Variants in ZNF541 observed in about 807,000 individuals in gnomAD.
The protein encoded by ZNF541 is zinc finger protein 541.
ZNF541 carries 23 observed loss-of-function variants against 123.5 expected under a neutral mutation model. The observed-to-expected ratio is 0.19, with a 90% CI of 0.13 to 0.26. The LOEUF is 0.26. Among genes scored for constraint, ZNF541 ranks in the 10% least tolerant of loss-of-function variants. ZNF541 has a pLI of 1.00. For synonymous variants in ZNF541, 751 were observed against 754.5 expected (o/e 1.00, Z 0.08); for missense variants, 1,612 against 1,789.9 (o/e 0.90, Z 1.79).
intron 7 of ZNF541, 131 bp from the exon 8 acceptor site, chr19:47,540,009 C>T: frequency 6.9e-7 from 1 of 1,442,808 alleles, no homozygotes; most frequent in Non-Finnish European, 9.2e-7. Context: ...TGGAGAGCTG[C>T]TGCAGCCCAT....
intron 2 of ZNF541, among the ~76,000 whole-genome samples, chr19:47,569,320 C>T (rs1971387864): frequency 6.6e-6 from 1 of 152,026 alleles, no homozygotes; most frequent in Non-Finnish European, 1.5e-5. Context: ...CTCTTGTAAT[C>T]ACTTGTATGT....
intron 14 of ZNF541, 91 bp from the exon 15 acceptor site, chr19:47,522,085 C>G (rs1007611614): frequency 1.3e-6 from 2 of 1,490,766 alleles, no homozygotes; most frequent in Non-Finnish European, 1.8e-6. Flanking sequence ...CTTTGGAAAG[C>G]CCTCCGGAAG....
chr19:47,555,412 GA>G, intron 3 of ZNF541, 137 bp downstream of exon 3: 7 of 726,364 alleles, frequency 9.6e-6, no homozygotes, highest in South Asian at 4.5e-5. Context: ...TCCCAAGTAG[GA>G]AAAAAGGTGA....
intron 7 of ZNF541, 42 bp from the exon 8 acceptor site, chr19:47,539,920 T>C (rs1304521624): frequency 1.3e-5 from 20 of 1,510,662 alleles, no homozygotes; most frequent in Non-Finnish European, 1.7e-5. Flanking sequence ...AGAGATAAGG[T>C]AGGTGGGGAA....
intron 2 of ZNF541, among the ~76,000 whole-genome samples, chr19:47,570,474 G>T (rs1971435345): frequency 6.7e-6 from 1 of 150,144 alleles, no homozygotes; most frequent in Non-Finnish European, 1.5e-5. Context: ...GTACTCAGGA[G>T]GCTGAGGCAT....
chr19:47,565,660 A>T (rs2123399898), intron 2 of ZNF541, among the ~76,000 whole-genome samples: 1 of 152,298 alleles, frequency 6.6e-6, no homozygotes, highest in East Asian at 1.9e-4. Flanking sequence ...TGTTTCAAGG[A>T]GCAGGTAAGT....
Position 47,538,216 on chromosome 19 carries a change from G to A in ZNF541, c.3020C>T (p.Ser1007Phe), listed in dbSNP as rs1194868396. The change falls in exon 9 of 17, where the codon TCT becomes TTT. Residue 1007 changes from serine to phenylalanine, a missense_variant. Physicochemically the swap from Ser to Phe is radical, Grantham distance 155. Coordinates refer to ENST00000391901, the MANE Select transcript of ZNF541 (RefSeq NM_001277075.3). ...PPMLSPIREG[S>F]GVYFNTLCST... ...ACAGAGGGTGTTGAAGTACACCCCA[G>A]AGCCCTCCCGGATGGGGCTGAGCAT... The A allele has an allele frequency of 6.4e-7, 1 of 1,551,620 alleles. No homozygotes were observed. The highest frequency in any genetic ancestry group is 1.2e-5 in the South Asian group (1 of 84,058).
In ZNF541 at chr19:47,552,273, C is replaced by T. The variant is rs138037727; in HGVS notation, c.308-2788G>A. Among the ~76,000 whole-genome samples, 7 of 152,232 alleles carry T rather than the reference C, an allele frequency of 4.6e-5. No individual in the cohort carries two copies. In the East Asian group the frequency reaches 7.7e-4, roughly 17 times the overall value. On this transcript the variant is annotated intron_variant, in intron 3 of 16. Coordinates refer to ENST00000391901, the MANE Select transcript of ZNF541 (RefSeq NM_001277075.3). ...AGGAGGTTGCTCTAAAGGATCCAAT[C>T]GTGCAAATTCTCTGTGGCTCATGAG...
At position 47,544,856 on chromosome 19, in the gene ZNF541, A is replaced by G; in HGVS notation, c.1673T>C (p.Phe558Ser). Residue 558 changes from phenylalanine to serine, a missense_variant, in exon 5 of 17, where the codon TTC (phenylalanine) becomes TCC (serine). Phe to Ser is a radical substitution (Grantham distance 155). Coordinates refer to ENST00000391901, the MANE Select transcript of ZNF541 (RefSeq NM_001277075.3). ...PLVSHEQMQV[F>S]QMITKSQRIF... ...CCGCTGGGACTTGGTGATCATCTGG[A>G]ACACCTGCATCTGCTCGTGGCTCAC... is the stretch of plus-strand genomic sequence containing the variant. 3 of 1,536,060 alleles carry G rather than the reference A, an allele frequency of 2.0e-6. No individual in the cohort carries two copies. The highest frequency in any genetic ancestry group is 2.6e-6 in the Non-Finnish European group (3 of 1,146,750).
chr19:47,555,934 G>T lies in ZNF541; in HGVS notation c.-78C>A. 2 of 1,343,224 alleles carry T rather than the reference G, an allele frequency of 1.5e-6. No individual in the cohort carries two copies. The highest frequency in any genetic ancestry group is 2.0e-6 in the Non-Finnish European group (2 of 999,516). The allele number at this position is 1,343,224 out of a possible 1,614,324, so 83.2% of individuals were successfully genotyped here. A position where few individuals can be genotyped will look rare whatever the true frequency, so the allele number is the denominator to read the frequency against. On this transcript the variant is annotated 5_prime_UTR_variant, in exon 3 of 17. Coordinates refer to ENST00000391901, the MANE Select transcript of ZNF541 (RefSeq NM_001277075.3). ...CATGTAAGGAGACAGGGAGGAGAGA[G>T]CCCTTGATGGCAACTAATTCCTGAA...
At position 47,560,533 on chromosome 19, in the gene ZNF541, G is replaced by A. The variant is rs1971017016; in HGVS notation, c.-98-4579C>T. Among the ~76,000 whole-genome samples, 6 of 141,194 alleles carry A rather than the reference G, an allele frequency of 4.2e-5. No homozygotes were observed. The South Asian group carries it at 1.3e-3, about 31-fold the overall frequency. 92.6% of individuals were successfully genotyped at this position (141,194 alleles called of 152,430 possible). A position where few individuals can be genotyped will look rare whatever the true frequency, so the allele number is the denominator to read the frequency against. ...GGAGGTTGCAATGAGCCAAGATTGC[G>A]CCACTGCACTCCAGCCTAGGAGACA... is the stretch of plus-strand genomic sequence containing the variant. On this transcript the variant is annotated intron_variant, in intron 2 of 16. Transcript: ENST00000391901.
chr19:47,550,041 CAGG>C (rs1447498661), intron 3 of ZNF541, among the ~76,000 whole-genome samples: 2 of 152,188 alleles, frequency 1.3e-5, no homozygotes, highest in Admixed American at 1.3e-4. Flanking sequence ...CATTTGAGGT[CAGG>C]AGTTCAGGAC....
At chr19:47,531,978 G>A in intron 11 of ZNF541, 150 bp downstream of exon 11, 1 of 1,121,136 alleles carries the variant, frequency 8.9e-7, no homozygotes. Context: ...CAGGGAAGAA[G>A]CAACGCTGGC....
In ZNF541 at chr19:47,537,770, G is replaced by A. The variant is rs989180016; in HGVS notation, c.3094+372C>T. Reference sequence around the variant, plus strand: ...CGCACCTGTAGTCCCAACTATTTGGGAGTCTGAGGCTGGAGGATCTCTTGA... The same window carrying A: ...CGCACCTGTAGTCCCAACTATTTGGAAGTCTGAGGCTGGAGGATCTCTTGA... On this transcript the variant is annotated intron_variant, in intron 9 of 16. Transcript: ENST00000391901. 3.6e-4 allele frequency among the ~76,000 whole-genome samples: 54 copies of A among 152,052 alleles called. 1 individual carries two copies. The highest frequency in any genetic ancestry group is 1.3e-3 in the African/African-American group (52 of 41,470).
At chr19:47,527,197 T>C (rs1969338965) in intron 14 of ZNF541, among the ~76,000 whole-genome samples, 3 of 152,178 alleles carry the variant, frequency 2.0e-5, no homozygotes, top group South Asian at 4.1e-4. Flanking sequence ...GAGTGATTAC[T>C]ATGTGGCAGG....
Position 47,538,353 on chromosome 19 carries a change from A to C in ZNF541, c.2883T>G (p.Ala961=), listed in dbSNP as rs1454881240. ...KRKKRPPPST[A]GEPGPAGCHQ... ...GGCATCCTGCAGGGCCAGGCTCCCC[A>C]GCCGTGGAGGGTGGGGGCCGCTTCT... The change falls in exon 9 of 17, where the codon GCT becomes GCG. Residue 961 remains alanine, a synonymous_variant. Transcript: ENST00000391901. 6.5e-7 allele frequency: 1 copy of C among 1,543,434 alleles called. No homozygotes were observed. The highest frequency in any genetic ancestry group is 8.8e-7 in the Non-Finnish European group (1 of 1,142,252).
Position 47,545,393 on chromosome 19 carries a change from G to C in ZNF541, c.1136C>G (p.Ser379Cys). ...EPDTALLQAR[S>C]TAECWPEGGS... The stretch of plus-strand genomic sequence containing the variant: ...GCCTTCGGGCCAGCACTCCGCGGTG[G>C]ACCGGGCCTGGAGCAGCGCGGTATC... The change falls in exon 5 of 17, where the codon TCC (serine) becomes TGC (cysteine). Residue 379 changes from serine (S) to cysteine (C), a missense_variant. This residue lies in a region of ZNF541 where 1,080 missense variants were observed against 1,013.8 expected (regional missense o/e 1.07). Coordinates refer to ENST00000391901, the MANE Select transcript of ZNF541 (RefSeq NM_001277075.3). The surrounding 1 kb of genome is among the most constrained non-coding windows in gnomAD (Gnocchi z 7.5). The C allele has an allele frequency of 6.6e-7, 1 of 1,517,880 alleles. No homozygotes were observed. Among genetic ancestry groups the C allele is most frequent in the Non-Finnish European group, 8.8e-7 (1 of 1,130,410 alleles). 94.0% of individuals were successfully genotyped at this position (1,517,880 alleles called of 1,614,324 possible).
intron 2 of ZNF541, among the ~76,000 whole-genome samples, chr19:47,569,802 T>A (rs1205962848): frequency 1.3e-5 from 2 of 151,560 alleles, no homozygotes; most frequent in Non-Finnish European, 2.9e-5. Context: ...TTGCTTGATG[T>A]TGGGAGGTCG....
chr19:47,526,067 T>C (rs1206167395), intron 14 of ZNF541, among the ~76,000 whole-genome samples: 1 of 152,210 alleles, frequency 6.6e-6, no homozygotes, highest in East Asian at 1.9e-4. Context: ...GACAAAATTT[T>C]TCTTTAAAAG....
Sources: gnomAD v4.1 joint callset for allele counts (sites outside exome capture counted in the v4.1 genomes callset) on GRCh38, gnomAD v4.1.1 for gene constraint, gnomAD v4.1.1 regional missense constraint, Gnocchi (gnomAD v3.1) non-coding constraint, MANE v1.5 for transcripts, NCBI Gene and HGNC (gene_info 2026-07-23, HGNC 2026-07-21) for gene names.